The following RNF220 variants were observed in gnomAD, a reference collection of about 807,000 sequenced individuals.
The protein encoded by RNF220 is E3 ubiquitin-protein ligase RNF220.
A neutral mutation model predicts 67.1 loss-of-function variants in RNF220; 7 were observed. That is an observed-to-expected ratio of 0.10 (90% confidence interval 0.06 to 0.20). The LOEUF (loss-of-function observed/expected upper bound fraction) is 0.20, where lower values mean the gene tolerates loss of function less well. Among genes scored for constraint, RNF220 ranks in the 10% least tolerant of loss-of-function variants. The pLI is 1.00. For missense variants in RNF220, 565 were observed against 740.3 expected, an observed-to-expected ratio of 0.76 and a Z score of 2.75; for synonymous variants, 270 against 283.2, an observed-to-expected ratio of 0.95 and a Z score of 0.47.
chr1:44,503,544 G>A (rs1248905587), intron 2 of RNF220, among the ~76,000 whole-genome samples: 1 of 152,058 alleles, frequency 6.6e-6, no homozygotes, highest in East Asian at 1.9e-4. Context: ...TATTTTGCTG[G>A]TTTACTTGTC....
chr1:44,628,479 G>T (rs1291651524), intron 5 of RNF220, among the ~76,000 whole-genome samples: 2 of 152,216 alleles, frequency 1.3e-5, no homozygotes, highest in African/African-American at 4.8e-5. Context: ...ACCACTTGGA[G>T]ATCTCTGAAG....
chr1:44,581,496 T>C (rs1665275266), intron 2 of RNF220, among the ~76,000 whole-genome samples: 1 of 152,154 alleles, frequency 6.6e-6, no homozygotes. Flanking sequence ...GGAAGGGTGG[T>C]TTCCAGAAAA....
At chr1:44,452,364 A>G (rs933853614) in intron 2 of RNF220, among the ~76,000 whole-genome samples, 3 of 151,348 alleles carry the variant, frequency 2.0e-5, no homozygotes, top group African/African-American at 7.3e-5. Flanking sequence ...GACCAGCCAG[A>G]CCAACGTGGT....
intron 2 of RNF220, among the ~76,000 whole-genome samples, chr1:44,517,533 C>T (rs1659553355): frequency 6.6e-6 from 1 of 152,070 alleles, no homozygotes; most frequent in Non-Finnish European, 1.5e-5. Context: ...TATCTATTGT[C>T]TTCAAGTGTG....
intron 2 of RNF220, among the ~76,000 whole-genome samples, chr1:44,474,314 G>T (rs1655087422): frequency 6.6e-6 from 1 of 151,520 alleles, no homozygotes; most frequent in Non-Finnish European, 1.5e-5. Flanking sequence ...GGCGGAGGTT[G>T]CAGTAAGCCG....
chr1:44,488,931 A>T lies in RNF220; in HGVS notation c.625+76209A>T, dbSNP rs541024229. 3.9e-5 allele frequency among the ~76,000 whole-genome samples: 6 copies of T among 152,074 alleles called. No individual in the cohort carries two copies. The South Asian group carries it at 1.2e-3, about 32-fold the overall frequency. ...TTTTTAGTAGAGATGGGGTTTCGCT[A>T]TGTTGGCCAGGCCAGTCTCTAACTC... On this transcript the variant is annotated intron_variant, in intron 2 of 14. Transcript: ENST00000361799.
chr1:44,477,526 G>A (rs745473042), intron 2 of RNF220, among the ~76,000 whole-genome samples: 6 of 146,222 alleles, frequency 4.1e-5, no homozygotes, highest in Non-Finnish European at 8.8e-5. Context: ...TGCATTTGAA[G>A]AATGAGAACC....
intron 2 of RNF220, among the ~76,000 whole-genome samples, chr1:44,505,919 C>T (rs1315667547): frequency 6.6e-6 from 1 of 152,088 alleles, no homozygotes; most frequent in Non-Finnish European, 1.5e-5. Context: ...CCCCAGTCTC[C>T]GCCCTACTCT....
intron 2 of RNF220, among the ~76,000 whole-genome samples, chr1:44,457,563 A>ATTT (rs35009326): frequency 4.6e-4 from 68 of 148,980 alleles, no homozygotes; most frequent in African/African-American, 1.2e-3. Context: ...ATAACCTTGG[A>ATTT]TTTTTTTTTT....
At chr1:44,436,286 G>A (rs999364427) in intron 2 of RNF220, among the ~76,000 whole-genome samples, 5 of 152,170 alleles carry the variant, frequency 3.3e-5, no homozygotes, top group African/African-American at 1.2e-4. Flanking sequence ...CTGAATCTGG[G>A]AGGACAGAGT....
At chr1:44,496,910 C>T (rs148337096) in intron 2 of RNF220, among the ~76,000 whole-genome samples, 1 of 152,306 alleles carries the variant, frequency 6.6e-6, no homozygotes, top group East Asian at 1.9e-4. Flanking sequence ...CGGGCGGCAC[C>T]TCCACCTTCT....
At chr1:44,555,306 G>T (rs1035254434) in intron 2 of RNF220, among the ~76,000 whole-genome samples, 2 of 152,056 alleles carry the variant, frequency 1.3e-5, no homozygotes, top group African/African-American at 4.8e-5. Flanking sequence ...GGACTCAAGC[G>T]ATTCTCCTGC....
intron 2 of RNF220, among the ~76,000 whole-genome samples, chr1:44,601,117 C>T (rs1666890539): frequency 2.6e-5 from 4 of 152,064 alleles, no homozygotes; most frequent in Admixed American, 6.5e-5. Context: ...CGGTATATTG[C>T]CTAGCACATG....
chr1:44,559,805 C>T (rs1488062294), intron 2 of RNF220, among the ~76,000 whole-genome samples: 1 of 152,270 alleles, frequency 6.6e-6, no homozygotes, highest in Non-Finnish European at 1.5e-5. Flanking sequence ...ATGCCCACTT[C>T]TCTGCATCGA....
At chr1:44,608,411 G>A (rs941732184) in intron 2 of RNF220, among the ~76,000 whole-genome samples, 8 of 152,178 alleles carry the variant, frequency 5.3e-5, no homozygotes, top group Admixed American at 3.9e-4. Flanking sequence ...TCATTAGCTA[G>A]GTGAGTGGGT....
intron 2 of RNF220, among the ~76,000 whole-genome samples, chr1:44,469,560 T>G (rs1654609886): frequency 6.6e-6 from 1 of 151,556 alleles, no homozygotes; most frequent in Non-Finnish European, 1.5e-5. Context: ...ATTGGTATAT[T>G]ATTCATTCAT....
rs902150545 is a variant in RNF220, at chr1:44,417,145, T to G, written c.625+4423T>G. On this transcript the variant is annotated intron_variant, in intron 2 of 14. Coordinates refer to ENST00000361799, the MANE Select transcript of RNF220 (RefSeq NM_018150.4). This position sits in a 1 kb window ranked among gnomAD's most constrained non-coding sequence, Gnocchi z 4.0. ...ACCTCTGGGTTGCAGCTGGGACAGATGACCACTGGGAAAGGGTCAGCAAAT... is the reference window on the plus strand; with the variant it reads ...ACCTCTGGGTTGCAGCTGGGACAGAGGACCACTGGGAAAGGGTCAGCAAAT... Among the ~76,000 whole-genome samples, 2 of 152,116 alleles carry G rather than the reference T, an allele frequency of 1.3e-5. No individual in the cohort carries two copies.
chr1:44,501,064 G>C (rs937876712), intron 2 of RNF220, among the ~76,000 whole-genome samples: 1 of 148,058 alleles, frequency 6.8e-6, no homozygotes, highest in African/African-American at 2.5e-5. Context: ...GGGGGTGGGG[G>C]TGGGGGTATC....
chr1:44,570,813 C>A (rs1467240614), intron 2 of RNF220, among the ~76,000 whole-genome samples: 1 of 152,204 alleles, frequency 6.6e-6, no homozygotes, highest in Non-Finnish European at 1.5e-5. Flanking sequence ...GTGTCTCACA[C>A]CTGTAATCCC....
Sources: gnomAD v4.1 joint callset for allele counts (sites outside exome capture counted in the v4.1 genomes callset) on GRCh38, gnomAD v4.1.1 for gene constraint, Gnocchi (gnomAD v3.1) non-coding constraint, MANE v1.5 for transcripts, NCBI Gene and HGNC (gene_info 2026-07-23, HGNC 2026-07-21) for gene names.